B4GALT6: variants seen among roughly 807,000 people sequenced by gnomAD.
The protein encoded by B4GALT6 is UDP-Gal:beta-GlcNAc beta-1,4-galactosyltransferase 6.
In B4GALT6, 14 loss-of-function variants were observed where a neutral mutation model predicts 46.3. That is an observed-to-expected ratio of 0.30 (90% CI 0.20 to 0.47). The LOEUF is 0.47. B4GALT6 is among the 20% of genes least tolerant of loss of function. The pLI, the probability that B4GALT6 is intolerant of heterozygous loss-of-function variation, is 0.99. For synonymous variants in B4GALT6, 168 were observed against 162.0 expected (o/e 1.04, Z -0.28); for missense variants, 386 against 480.1 (o/e 0.80, Z 1.83).
intron 1 of B4GALT6, among the ~76,000 whole-genome samples, chr18:31,677,551 C>T (rs952176994): frequency 2.4e-4 from 37 of 152,316 alleles, no homozygotes; most frequent in Admixed American, 1.9e-3. Context: ...ATGTTAAAGG[C>T]ATTATGGGTA....
chr18:31,627,687 A>T (rs111504516), intron 6 of B4GALT6, among the ~76,000 whole-genome samples: 7 of 152,302 alleles, frequency 4.6e-5, no homozygotes, highest in African/African-American at 1.4e-4. Context: ...CAATGCATTG[A>T]TATTTACAGA....
chr18:31,692,183 C>T, the B4GALT6 span, among the ~76,000 whole-genome samples: 1 of 152,166 alleles, frequency 6.6e-6, no homozygotes, highest in Non-Finnish European at 1.5e-5. Context: ...CTACCGTAAA[C>T]ATATGCACAT....
intron 1 of B4GALT6, among the ~76,000 whole-genome samples, chr18:31,674,676 G>A (rs1316299356): frequency 6.6e-6 from 1 of 151,944 alleles, no homozygotes. Context: ...AAATCCCCAA[G>A]AATTACTCAT....
upstream of B4GALT6, among the ~76,000 whole-genome samples, chr18:31,688,260 C>CACAT (rs1721987183): frequency 7.1e-6 from 1 of 140,786 alleles, no homozygotes; most frequent in African/African-American, 3.0e-5. Flanking sequence ...TATATATATA[C>CACAT]ATATATATAT....
At chr18:31,667,018 T>C (rs1390186510) in intron 1 of B4GALT6, among the ~76,000 whole-genome samples, 1 of 152,228 alleles carries the variant, frequency 6.6e-6, no homozygotes, top group Non-Finnish European at 1.5e-5. Flanking sequence ...AATTTAATTA[T>C]TCACAATAAG....
chr18:31,671,590 G>C (rs1007716428), intron 1 of B4GALT6, among the ~76,000 whole-genome samples: 1 of 151,898 alleles, frequency 6.6e-6, no homozygotes, highest in Admixed American at 6.6e-5. Context: ...TTTTTGATGG[G>C]GTTTTTTTCT....
chr18:31,678,373 T>C (rs931560638), intron 1 of B4GALT6, among the ~76,000 whole-genome samples: 4 of 152,152 alleles, frequency 2.6e-5, no homozygotes, highest in South Asian at 2.1e-4. Flanking sequence ...CTCTGCCTCA[T>C]TGTAATTACC....
intron 4 of B4GALT6, among the ~76,000 whole-genome samples, chr18:31,641,632 C>A (rs768339964): frequency 2.6e-4 from 40 of 152,296 alleles, no homozygotes; most frequent in Non-Finnish European, 1.3e-4. Context: ...GTTTGAGCCA[C>A]TCTCTTGCTG....
rs1297041916 is a variant in B4GALT6 at position 31,625,593 on chromosome 18, T to C, written c.*21A>G. On this transcript the variant is annotated 3_prime_UTR_variant, in exon 9 of 9. Coordinates refer to ENST00000306851, the MANE Select transcript of B4GALT6 (RefSeq NM_004775.5). Reference sequence around the variant, plus strand: ...TTATGATCCAGCATTGTGGTCTACCTTGCCACGACAGCCACTTCTTTTAAT... The same window carrying C: ...TTATGATCCAGCATTGTGGTCTACCCTGCCACGACAGCCACTTCTTTTAAT... The C allele has an allele frequency of 6.2e-7, 1 of 1,613,412 alleles. No individual in the cohort carries two copies. Among genetic ancestry groups the C allele is most frequent in the Admixed American group, 1.7e-5 (1 of 59,806 alleles).
At chr18:31,671,112 T>G (rs1442732536) in intron 1 of B4GALT6, among the ~76,000 whole-genome samples, 2 of 152,210 alleles carry the variant, frequency 1.3e-5, no homozygotes, top group Admixed American at 1.3e-4. Flanking sequence ...TTCCATGGTG[T>G]GTATGTGCCA....
intron 1 of B4GALT6, among the ~76,000 whole-genome samples, chr18:31,672,051 C>T (rs2074362901): frequency 6.6e-6 from 1 of 152,232 alleles, no homozygotes; most frequent in East Asian, 1.9e-4. Context: ...TAAAACTGTG[C>T]CTCCCAGCCC....
At chr18:31,687,655 CAG>C, upstream of B4GALT6, among the ~76,000 whole-genome samples, 1 of 152,280 alleles carries the variant, frequency 6.6e-6, no homozygotes, top group South Asian at 2.1e-4. Context: ...AACAGTAAGA[CAG>C]AAATAAATTT....
intron 2 of B4GALT6, among the ~76,000 whole-genome samples, chr18:31,663,300 G>T (rs2074242198): frequency 6.6e-6 from 1 of 152,198 alleles, no homozygotes; most frequent in African/African-American, 2.4e-5. Context: ...GTCTGGCAGT[G>T]TCTGGGGGCC....
At chr18:31,682,295 A>C (rs1370525705) in intron 1 of B4GALT6, among the ~76,000 whole-genome samples, 1 of 152,206 alleles carries the variant, frequency 6.6e-6, no homozygotes, top group African/African-American at 2.4e-5. Context: ...AAAGATTAAA[A>C]AGGAGGCTTT....
chr18:31,651,977 A>G (rs2074075624), intron 3 of B4GALT6, among the ~76,000 whole-genome samples: 1 of 152,012 alleles, frequency 6.6e-6, no homozygotes, highest in Non-Finnish European at 1.5e-5. Context: ...TCACTGTGTT[A>G]GCCAGGATGG....
At chr18:31,706,645 GA>G in the B4GALT6 span, among the ~76,000 whole-genome samples, 1 of 151,256 alleles carries the variant, frequency 6.6e-6, no homozygotes, top group East Asian at 1.9e-4. Flanking sequence ...AAAAAGAAAA[GA>G]AAAAAAAGAA....
At chr18:31,683,724 A>C (rs922397269) in intron 1 of B4GALT6, among the ~76,000 whole-genome samples, 1 of 152,204 alleles carries the variant, frequency 6.6e-6, no homozygotes, top group Non-Finnish European at 1.5e-5. Flanking sequence ...ACCCTTGAAA[A>C]TAACACCCAA....
chr18:31,626,439 TTATG>T, intron 7 of B4GALT6, 55 bp from the exon 8 acceptor site: 2 of 1,006,982 alleles, frequency 2.0e-6, no homozygotes, highest in South Asian at 3.1e-5. Flanking sequence ...TGAAAATGGG[TTATG>T]TGAGTTCAAT....
chr18:31,682,821 A>G (rs1288744287), intron 1 of B4GALT6, among the ~76,000 whole-genome samples: 1 of 152,220 alleles, frequency 6.6e-6, no homozygotes, highest in Non-Finnish European at 1.5e-5. Flanking sequence ...TGAGAAAGTA[A>G]AAATTGCTAT....
Sources: allele counts gnomAD v4.1 joint callset (sites outside exome capture counted in the v4.1 genomes callset), GRCh38; gene constraint gnomAD v4.1.1; transcripts MANE v1.5; gene names NCBI Gene and HGNC (gene_info 2026-07-23, HGNC 2026-07-21).